SNX29: variants seen among roughly 807,000 people sequenced by gnomAD.
The protein encoded by SNX29 is sorting nexin 29.
Under a neutral mutation model 102.1 loss-of-function variants are expected in SNX29, and 78 were observed. The observed-to-expected ratio is 0.76, with a 90% CI of 0.64 to 0.92. SNX29 has a LOEUF of 0.92. Among genes scored for constraint, SNX29 ranks in the 40% least tolerant of loss-of-function variants. The pLI is 0.00. For synonymous variants in SNX29, 580 were observed against 414.5 expected, an observed-to-expected ratio of 1.40 and a Z score of -4.85; for missense variants, 1,280 against 1,061.7, an observed-to-expected ratio of 1.21 and a Z score of -2.86.
intron 15 of SNX29, among the ~76,000 whole-genome samples, chr16:12,342,042 A>G (rs1363788716): frequency 2.0e-5 from 3 of 152,182 alleles, no homozygotes; most frequent in African/African-American, 7.2e-5. Context: ...CCTCTCCCAG[A>G]TTCTGGGAGG....
intron 13 of SNX29, among the ~76,000 whole-genome samples, chr16:12,167,995 AGCCAGCACGCTGCGCTG>A (rs1354377126): frequency 1.3e-5 from 2 of 152,228 alleles, no homozygotes; most frequent in African/African-American, 4.8e-5. Flanking sequence ...CCAAGCTCTC[AGCCAGCACGCTGCGCTG>A]GCTCTCAAGG....
intron 18 of SNX29, among the ~76,000 whole-genome samples, chr16:12,447,984 G>T (rs916102915): frequency 1.3e-5 from 2 of 152,158 alleles, no homozygotes; most frequent in African/African-American, 4.8e-5. Flanking sequence ...TCTAGCACCG[G>T]GAAGGCCTAG....
intron 20 of SNX29, among the ~76,000 whole-genome samples, chr16:12,543,682 C>G (rs1053457332): frequency 2.0e-5 from 3 of 152,234 alleles, no homozygotes; most frequent in African/African-American, 7.2e-5. Context: ...ATTCAACAAG[C>G]CAGTCGTATC....
chr16:12,085,124 C>T (rs2052099635), intron 11 of SNX29, among the ~76,000 whole-genome samples: 2 of 152,012 alleles, frequency 1.3e-5, no homozygotes, highest in Admixed American at 6.6e-5. Context: ...CTTCTGTCCC[C>T]TCTGGGCCCT....
At chr16:12,508,571 A>C (rs553573883) in intron 19 of SNX29, among the ~76,000 whole-genome samples, 1 of 152,340 alleles carries the variant, frequency 6.6e-6, no homozygotes, top group African/African-American at 2.4e-5. Flanking sequence ...AGCTTCCCTT[A>C]AAAAGCAGAC....
intron 1 of SNX29, among the ~76,000 whole-genome samples, chr16:11,978,054 T>C (rs2150954942): frequency 6.6e-6 from 1 of 152,314 alleles, no homozygotes; most frequent in South Asian, 2.1e-4. Flanking sequence ...TTTAAAGTTA[T>C]CTCTGTGGAC....
At position 12,557,014 on chromosome 16, in the gene SNX29, T is replaced by TAC. The variant is rs1555458218; in HGVS notation, c.2319-11491_2319-11490dup. Among the ~76,000 whole-genome samples the TAC allele has an allele frequency of 3.7e-3, 37 of 9,916 alleles. 2 individuals are homozygous for TAC. Among genetic ancestry groups the TAC allele is most frequent in the African/African-American group, 7.5e-3 (17 of 2,268 alleles). The allele number at this position is 9,916 out of a possible 152,430, so 6.5% of individuals were successfully genotyped here. ...AGGTACACACCACATCTGGCTAATT[T>TAC]ACCCCCCCCCCGCCCCAAGATGAGG... On this transcript the variant is annotated intron_variant, in intron 20 of 20. Coordinates refer to ENST00000566228, the MANE Select transcript of SNX29 (RefSeq NM_032167.5).
intron 15 of SNX29, among the ~76,000 whole-genome samples, chr16:12,341,112 CTAT>C (rs1419814218): frequency 1.3e-5 from 2 of 152,058 alleles, no homozygotes; most frequent in African/African-American, 2.4e-5. Context: ...CCTATGGTTA[CTAT>C]TATTATTGGA....
chr16:12,347,144 C>T (rs1377504998), intron 15 of SNX29, among the ~76,000 whole-genome samples: 1 of 151,764 alleles, frequency 6.6e-6, no homozygotes, highest in Non-Finnish European at 1.5e-5. Flanking sequence ...TCAAGGGAAC[C>T]TTTGAAATGT....
intron 19 of SNX29, 123 bp from the exon 20 acceptor site, chr16:12,524,579 G>C (rs1232389982): frequency 2.7e-6 from 3 of 1,111,804 alleles, no homozygotes; most frequent in East Asian, 2.7e-5. Context: ...ATTCATACGA[G>C]ATAGTTGCTC....
At chr16:12,062,450 C>T (rs934434894) in intron 9 of SNX29, among the ~76,000 whole-genome samples, 30 of 151,590 alleles carry the variant, frequency 2.0e-4, no homozygotes, top group Non-Finnish European at 7.4e-5. Context: ...AGCATTTTTG[C>T]ACCATTCCAC....
intron 20 of SNX29, among the ~76,000 whole-genome samples, chr16:12,550,425 C>G (rs778576108): frequency 1.3e-5 from 2 of 151,402 alleles, no homozygotes; most frequent in African/African-American, 4.9e-5. Context: ...CTCCCACCTA[C>G]TTGGGAGGCT....
chr16:12,442,380 T>C (rs1281641092), intron 18 of SNX29, among the ~76,000 whole-genome samples: 1 of 152,238 alleles, frequency 6.6e-6, no homozygotes, highest in Non-Finnish European at 1.5e-5. Flanking sequence ...CCCTGTTTCT[T>C]CTTTTCTCTC....
chr16:12,227,445 T>C (rs2077644915), intron 14 of SNX29, among the ~76,000 whole-genome samples: 1 of 152,202 alleles, frequency 6.6e-6, no homozygotes, highest in African/African-American at 2.4e-5. Context: ...CAGAGTTCTT[T>C]TCATAGCAGT....
At chr16:12,331,724 G>A (rs1011953191) in intron 15 of SNX29, among the ~76,000 whole-genome samples, 1 of 152,076 alleles carries the variant, frequency 6.6e-6, no homozygotes, top group African/African-American at 2.4e-5. Context: ...GCTAACTTTT[G>A]TATTTTTAGT....
intron 7 of SNX29, among the ~76,000 whole-genome samples, chr16:12,050,962 C>G (rs1247241622): frequency 1.3e-5 from 2 of 152,020 alleles, no homozygotes; most frequent in African/African-American, 4.8e-5. Context: ...CTCAGGTGAT[C>G]CACCCGCCTT....
chr16:12,267,038 C>T (rs2078950167), intron 14 of SNX29, among the ~76,000 whole-genome samples: 1 of 152,214 alleles, frequency 6.6e-6, no homozygotes, highest in Non-Finnish European at 1.5e-5. Context: ...GCTGGGATCA[C>T]AGTGAGCCAC....
chr16:12,522,646 C>T (rs990853984), intron 19 of SNX29, among the ~76,000 whole-genome samples: 3 of 152,142 alleles, frequency 2.0e-5, no homozygotes, highest in South Asian at 2.1e-4. Flanking sequence ...CTGTCTTCCT[C>T]CTGCTCCGGC....
intron 3 of SNX29, among the ~76,000 whole-genome samples, chr16:12,016,429 T>A (rs2056851465): frequency 6.6e-6 from 1 of 152,220 alleles, no homozygotes; most frequent in South Asian, 2.1e-4. Context: ...CCTTTTTCTT[T>A]CTTGCCAACA....
Sources: gnomAD v4.1 joint callset for allele counts (sites outside exome capture counted in the v4.1 genomes callset) on GRCh38, gnomAD v4.1.1 for gene constraint, MANE v1.5 for transcripts, NCBI Gene and HGNC (gene_info 2026-07-23, HGNC 2026-07-21) for gene names.